The following DIAPH2 variants were observed in gnomAD, a reference collection of about 807,000 sequenced individuals.
DIAPH2 encodes diaphanous related formin 2, also known as protein diaphanous homolog 2.
DIAPH2 carries 35 observed loss-of-function variants against 92.7 expected under a neutral mutation model. The observed-to-expected ratio is 0.38, with a 90% CI of 0.29 to 0.50. The LOEUF (loss-of-function observed/expected upper bound fraction) is 0.50. Among genes scored for constraint, DIAPH2 ranks in the 20% least tolerant of loss-of-function variants. The pLI, the probability that DIAPH2 is intolerant of heterozygous loss-of-function variation, is 0.94. For synonymous variants in DIAPH2, 301 were observed against 280.4 expected (o/e 1.07, Z -0.73); for missense variants, 701 against 819.5 (o/e 0.86, Z 1.77).
chrX:97,378,916 A>G (rs773088049), intron 24 of DIAPH2, among the ~76,000 whole-genome samples: 1 of 111,761 alleles, frequency 8.9e-6, no homozygotes, highest in African/African-American at 3.3e-5. Context: ...GTGTGATCAC[A>G]GTATTCCTCT....
At chrX:97,458,163 A>G (rs902635464) in intron 26 of DIAPH2, among the ~76,000 whole-genome samples, 2 of 111,200 alleles carry the variant, frequency 1.8e-5, no homozygotes, top group South Asian at 7.7e-4. Context: ...ATTACACCAG[A>G]GTATGAATAC....
rs185868151 is a variant in DIAPH2, at chrX:96,714,442, T to G, written c.133-21316T>G. Among the ~76,000 whole-genome samples, 5 of 110,160 alleles carry G rather than the reference T, an allele frequency of 4.5e-5. No homozygotes were observed. In the East Asian group the frequency reaches 1.4e-3, roughly 31 times the overall value. On this transcript the variant is annotated intron_variant, in intron 1 of 26. Transcript: ENST00000324765. ...ACCACACCCGGCTAATTTTGTATTT[T>G]TAGTAGAGACTGGGTTTCTCCATGT...
In DIAPH2 at chrX:97,130,964, G is replaced by A. The variant is rs373551463; in HGVS notation, c.2590-10701G>A. Reference sequence around the variant, plus strand: ...TACAGAAAAATACAAAAATTAGCACGGTATGGTCGTGGGTGCCTGTAGTCA... The same window carrying A: ...TACAGAAAAATACAAAAATTAGCACAGTATGGTCGTGGGTGCCTGTAGTCA... On this transcript the variant is annotated intron_variant, in intron 21 of 26. Transcript: ENST00000324765. Among the ~76,000 whole-genome samples, 8 of 110,170 alleles carry A rather than the reference G, an allele frequency of 7.3e-5. No homozygotes were observed. In the East Asian group the frequency reaches 1.1e-3, roughly 16 times the overall value.
chrX:96,811,094 T>C (rs2064676122), intron 4 of DIAPH2, among the ~76,000 whole-genome samples: 1 of 111,993 alleles, frequency 8.9e-6, no homozygotes, highest in Non-Finnish European at 1.9e-5. Context: ...TTTGAATCTA[T>C]AAATTACCTT....
intron 26 of DIAPH2, among the ~76,000 whole-genome samples, chrX:97,567,248 A>G (rs1404269386): frequency 8.9e-6 from 1 of 112,051 alleles, no homozygotes; most frequent in African/African-American, 3.2e-5. Flanking sequence ...AAAAGAATAA[A>G]TCTTTTCCTT....
chrX:96,821,150 A>G (rs6620176), intron 4 of DIAPH2, among the ~76,000 whole-genome samples: 11,426 of 111,361 alleles, frequency 0.1, 539 homozygotes, highest in East Asian at 0.32. Flanking sequence ...TGTTAACTGA[A>G]CTAAAACTAC....
At chrX:97,503,106 C>T (rs929026030) in intron 26 of DIAPH2, among the ~76,000 whole-genome samples, 1 of 111,933 alleles carries the variant, frequency 8.9e-6, no homozygotes, top group Admixed American at 9.5e-5. Context: ...TATTTGTGGA[C>T]AGAAAATGCT....
At chrX:96,711,529 G>GT (rs944796527) in intron 1 of DIAPH2, among the ~76,000 whole-genome samples, 8 of 111,145 alleles carry the variant, frequency 7.2e-5, no homozygotes, top group East Asian at 2.8e-4. Flanking sequence ...GGGATTATTT[G>GT]TTTTTTTCTT....
At position 97,348,321 on chromosome X, in the gene DIAPH2, A is replaced by T. The variant is rs771245208; in HGVS notation, c.3009+41A>T. 3 of 1,060,720 alleles carry T rather than the reference A, an allele frequency of 2.8e-6. No homozygotes were observed. In the Admixed American group the frequency reaches 8.9e-5, roughly 32 times the overall value. The allele number at this position is 1,060,720 out of a possible 1,213,427, so 87.4% of individuals were successfully genotyped here. A position where few individuals can be genotyped will look rare whatever the true frequency, so the allele number is the denominator to read the frequency against. ...TAAAGCATTGCAAGACCTGTTGCTTATATTTCTGAATGTTTTCCTTCTATT... is the reference window on the plus strand; with the variant it reads ...TAAAGCATTGCAAGACCTGTTGCTTTTATTTCTGAATGTTTTCCTTCTATT... On this transcript the variant is annotated intron_variant, in intron 24 of 26. Coordinates refer to ENST00000324765, the MANE Select transcript of DIAPH2 (RefSeq NM_006729.5).
chrX:96,912,559 A>G lies in DIAPH2; in HGVS notation c.732+7A>G. 1 of 1,168,761 alleles carries G rather than the reference A, an allele frequency of 8.6e-7. No homozygotes were observed. The highest frequency in any genetic ancestry group is 1.1e-6 in the Non-Finnish European group (1 of 875,468). ...AGCATTTATGAATAATAAGGTAAGT[A>G]GTATTTATTTCTGCCCCTGTCACAA... is the stretch of plus-strand genomic sequence containing the variant. On this transcript the variant is annotated splice_region_variant and intron_variant, in intron 7 of 26. Transcript: ENST00000324765.
At chrX:97,405,645 G>A (rs1602566661) in intron 25 of DIAPH2, among the ~76,000 whole-genome samples, 1 of 111,367 alleles carries the variant, frequency 9.0e-6, no homozygotes, top group East Asian at 2.8e-4. Flanking sequence ...TCCACTTTTC[G>A]TTCCCTACCT....
chrX:97,400,233 G>A (rs1186827655), intron 25 of DIAPH2, among the ~76,000 whole-genome samples: 2 of 112,351 alleles, frequency 1.8e-5, no homozygotes, highest in African/African-American at 6.5e-5. Flanking sequence ...TATATATAAT[G>A]TATGTGTGAA....
intron 26 of DIAPH2, among the ~76,000 whole-genome samples, chrX:97,438,013 C>T (rs1602589279): frequency 1.9e-5 from 2 of 107,809 alleles, no homozygotes; most frequent in East Asian, 5.8e-4. Flanking sequence ...AAAAGTGGTA[C>T]CTAAGAGCTG....
At chrX:97,559,219 T>A (rs1296124713) in intron 26 of DIAPH2, among the ~76,000 whole-genome samples, 1 of 111,864 alleles carries the variant, frequency 8.9e-6, no homozygotes, top group Non-Finnish European at 1.9e-5. Context: ...GGGTCGGGCA[T>A]GGTAGCTCAT....
intron 22 of DIAPH2, among the ~76,000 whole-genome samples, chrX:97,143,301 A>G (rs2067220684): frequency 9.0e-6 from 1 of 110,995 alleles, no homozygotes; most frequent in Non-Finnish European, 1.9e-5. Context: ...ATATATATAT[A>G]TAGCACAAAA....
At chrX:97,061,829 A>C (rs1388519176) in intron 17 of DIAPH2, among the ~76,000 whole-genome samples, 1 of 108,351 alleles carries the variant, frequency 9.2e-6, no homozygotes, top group African/African-American at 3.4e-5. Flanking sequence ...AAAAAAAAAA[A>C]AAAAAACGCT....
At chrX:96,973,573 CA>C (rs1163729528) in intron 17 of DIAPH2, among the ~76,000 whole-genome samples, 1 of 109,970 alleles carries the variant, frequency 9.1e-6, no homozygotes, top group Non-Finnish European at 1.9e-5. Flanking sequence ...CCTTTTGCAT[CA>C]ACATAATATT....
At chrX:97,023,333 T>G (rs960633309) in intron 17 of DIAPH2, among the ~76,000 whole-genome samples, 1 of 111,540 alleles carries the variant, frequency 9.0e-6, no homozygotes, top group Non-Finnish European at 1.9e-5. Context: ...CACCTATGAA[T>G]TGATTTAGAT....
intron 17 of DIAPH2, among the ~76,000 whole-genome samples, chrX:97,019,833 A>C (rs1203575164): frequency 8.9e-6 from 1 of 111,961 alleles, no homozygotes; most frequent in East Asian, 2.8e-4. Flanking sequence ...TTGGCAATAT[A>C]AAAAGAAAGT....
Sources: gnomAD v4.1 joint callset for allele counts (sites outside exome capture counted in the v4.1 genomes callset) on GRCh38, gnomAD v4.1.1 for gene constraint, MANE v1.5 for transcripts, NCBI Gene and HGNC (gene_info 2026-07-23, HGNC 2026-07-21) for gene names.